RPS6KA5: variants seen among roughly 807,000 people sequenced by gnomAD.
The protein encoded by RPS6KA5 is ribosomal protein S6 kinase A5.
Under a neutral mutation model 85.5 loss-of-function variants are expected in RPS6KA5, and 27 were observed. The observed-to-expected ratio is 0.32, with a 90% confidence interval of 0.23 to 0.44. The LOEUF (loss-of-function observed/expected upper bound fraction) is 0.44. Among genes scored for constraint, RPS6KA5 ranks in the 20% least tolerant of loss-of-function variants. The pLI, the probability that RPS6KA5 is intolerant of heterozygous loss-of-function variation, is 1.00. For missense variants in RPS6KA5, 811 were observed against 980.9 expected (o/e 0.83, Z 2.31); for synonymous variants, 334 against 348.2 (o/e 0.96, Z 0.46).
chr14:91,021,080 A>C (rs1354140503), intron 1 of RPS6KA5, among the ~76,000 whole-genome samples: 1 of 152,176 alleles, frequency 6.6e-6, no homozygotes. Flanking sequence ...TAGGGAAATA[A>C]AGCAATCCAT....
chr14:90,865,706 G>C lies in RPS6KA5; in HGVS notation c.*6368C>G, dbSNP rs935900044. On this transcript the variant is annotated 3_prime_UTR_variant, in exon 17 of 17. Coordinates refer to ENST00000614987, the MANE Select transcript of RPS6KA5 (RefSeq NM_004755.4). ...TCAGTGTTTGGAGCAGTGGGCAGCA[G>C]GAAAAGCTGGGGAAGGAGTGGGAAA... 6.6e-6 allele frequency: 1 copy of C among 152,214 alleles called. No individual in the cohort carries two copies. Among genetic ancestry groups the C allele is most frequent in the Non-Finnish European group, 1.5e-5 (1 of 68,058 alleles). The allele number at this position is 152,214 out of a possible 1,614,324, so 9.4% of individuals were successfully genotyped here. A position where few individuals can be genotyped will look rare whatever the true frequency, so the allele number is the denominator to read the frequency against.
chr14:90,863,091 TCAGGAATTCGAGGC>T lies in RPS6KA5; in HGVS notation c.*8969_*8982del, dbSNP rs1271458904. 2.0e-5 allele frequency: 3 copies of T among 151,044 alleles called. No homozygotes were observed. Among genetic ancestry groups the T allele is most frequent in the Non-Finnish European group, 4.4e-5 (3 of 67,808 alleles). 9.4% of individuals were successfully genotyped at this position (151,044 alleles called of 1,614,324 possible). On this transcript the variant is annotated 3_prime_UTR_variant, in exon 17 of 17. Transcript: ENST00000614987. The stretch of plus-strand genomic sequence containing the variant: ...AGGCTGAGGCGGGTGGATCACGAGG[TCAGGAATTCGAGGC>T]CAGTCTGGCCAATATGGTGAAACCC...
chr14:91,009,711 C>A (rs566733493), intron 1 of RPS6KA5, among the ~76,000 whole-genome samples: 66 of 152,210 alleles, frequency 4.3e-4, no homozygotes, highest in African/African-American at 1.3e-3. Context: ...CAGAAAAAAA[C>A]CCCAAAAGAG....
chr14:90,976,768 T>C (rs2039588304), intron 3 of RPS6KA5, among the ~76,000 whole-genome samples: 1 of 152,146 alleles, frequency 6.6e-6, no homozygotes, highest in African/African-American at 2.4e-5. Flanking sequence ...AGAGAGTGTG[T>C]CCTACATGAA....
chr14:90,970,902 T>C (rs1346666839), intron 3 of RPS6KA5, among the ~76,000 whole-genome samples: 1 of 120,192 alleles, frequency 8.3e-6, no homozygotes. Context: ...GATATTAATG[T>C]TGTTGAATTA....
chr14:90,929,080 G>A (rs1218839429), intron 5 of RPS6KA5, among the ~76,000 whole-genome samples: 1 of 151,966 alleles, frequency 6.6e-6, no homozygotes, highest in Non-Finnish European at 1.5e-5. Flanking sequence ...TCATTATGTG[G>A]TTAAAGAGAA....
intron 6 of RPS6KA5, among the ~76,000 whole-genome samples, chr14:90,921,925 C>A (rs1319857457): frequency 6.6e-6 from 1 of 151,974 alleles, no homozygotes; most frequent in Non-Finnish European, 1.5e-5. Flanking sequence ...ATTTTGTACC[C>A]TTTAATACAG....
At chr14:91,044,566 T>C (rs1174156474) in intron 1 of RPS6KA5, among the ~76,000 whole-genome samples, 5 of 152,002 alleles carry the variant, frequency 3.3e-5, no homozygotes, top group African/African-American at 9.7e-5. Flanking sequence ...TGACACACTT[T>C]TACTGGATTA....
chr14:91,026,259 C>G (rs2041987237), intron 1 of RPS6KA5, among the ~76,000 whole-genome samples: 1 of 152,070 alleles, frequency 6.6e-6, no homozygotes, highest in Admixed American at 6.6e-5. Context: ...ATTTTTTGTT[C>G]TCACTCTGTT....
intron 1 of RPS6KA5, among the ~76,000 whole-genome samples, chr14:91,004,697 G>A (rs374201021): frequency 1.3e-5 from 2 of 152,024 alleles, no homozygotes; most frequent in South Asian, 2.1e-4. Context: ...GCCGGGCGCG[G>A]TGGCTCACAC....
chr14:90,902,020 T>C (rs1282321481), intron 9 of RPS6KA5, among the ~76,000 whole-genome samples: 1 of 142,934 alleles, frequency 7.0e-6, no homozygotes, highest in Non-Finnish European at 1.5e-5. Context: ...GTTTCTACAA[T>C]TTTTTTTTAA....
At chr14:91,055,395 G>A (rs1399220425) in intron 1 of RPS6KA5, among the ~76,000 whole-genome samples, 1 of 152,196 alleles carries the variant, frequency 6.6e-6, no homozygotes, top group Non-Finnish European at 1.5e-5. Flanking sequence ...CAAACAAGTG[G>A]TGAATGCATA....
rs547014491 is a variant in RPS6KA5 at position 90,851,902 on chromosome 14, C to T, written c.*20172G>A. On this transcript the variant is annotated 3_prime_UTR_variant, in exon 17 of 17. Transcript: ENST00000614987. Reference sequence around the variant, plus strand: ...GTACAAGGTCCAACTTTGCATCTAACTTCAACACACAGCCTTCCCAATCAT... The same window carrying T: ...GTACAAGGTCCAACTTTGCATCTAATTTCAACACACAGCCTTCCCAATCAT... 6.6e-6 allele frequency: 1 copy of T among 152,264 alleles called. No individual in the cohort carries two copies. The highest frequency in any genetic ancestry group is 2.4e-5 in the African/African-American group (1 of 41,546). The allele number at this position is 152,264 out of a possible 1,614,324, so 9.4% of individuals were successfully genotyped here.
intron 1 of RPS6KA5, among the ~76,000 whole-genome samples, chr14:91,023,109 T>G (rs1377656946): frequency 6.7e-6 from 1 of 148,348 alleles, no homozygotes; most frequent in South Asian, 2.1e-4. Context: ...AAAAGATTTG[T>G]GTACTACTCT....
At chr14:90,968,550 C>A (rs113677890) in intron 3 of RPS6KA5, among the ~76,000 whole-genome samples, 218 of 152,088 alleles carry the variant, frequency 1.4e-3, no homozygotes, top group Non-Finnish European at 2.7e-3. Flanking sequence ...TACAGTACAA[C>A]TTCTACCTCC....
rs1370374862 is a variant in RPS6KA5, at chr14:91,060,506, G to T, written c.-72C>A. The T allele has an allele frequency of 4.0e-6, 5 of 1,254,598 alleles. No individual in the cohort carries two copies. The African/African-American group carries it at 6.2e-5, about 16-fold the overall frequency. The allele number at this position is 1,254,598 out of a possible 1,614,324, so 77.7% of individuals were successfully genotyped here. On this transcript the variant is annotated 5_prime_UTR_variant, in exon 1 of 17. Coordinates refer to ENST00000614987, the MANE Select transcript of RPS6KA5 (RefSeq NM_004755.4). ...GGAGACAGCGGACGCCCGTCCCCTC[G>T]CAGCCGCTGCCGCGGCCCCAGGAGT...
At chr14:91,034,736 C>A (rs1201335916) in intron 1 of RPS6KA5, among the ~76,000 whole-genome samples, 1 of 152,152 alleles carries the variant, frequency 6.6e-6, no homozygotes, top group Non-Finnish European at 1.5e-5. Flanking sequence ...GCGGTGCACT[C>A]TTTGGGTATG....
intron 2 of RPS6KA5, among the ~76,000 whole-genome samples, chr14:90,983,897 T>C (rs970333354): frequency 1.3e-5 from 2 of 150,194 alleles, no homozygotes; most frequent in East Asian, 4.1e-4. Flanking sequence ...CAGACCGGAG[T>C]GCAGTGGCAT....
intron 1 of RPS6KA5, among the ~76,000 whole-genome samples, chr14:91,012,087 A>G (rs1274397889): frequency 6.6e-6 from 1 of 152,220 alleles, no homozygotes; most frequent in African/African-American, 2.4e-5. Context: ...GTTACTTGAC[A>G]GATTTTTTTT....
Sources: allele counts gnomAD v4.1 joint callset (sites outside exome capture counted in the v4.1 genomes callset), GRCh38; gene constraint gnomAD v4.1.1; transcripts MANE v1.5; gene names NCBI Gene and HGNC (gene_info 2026-07-23, HGNC 2026-07-21).